HTT: variants seen among roughly 807,000 people sequenced by gnomAD.
HTT encodes the protein huntingtin.
In HTT, 104 loss-of-function variants were observed where a neutral mutation model predicts 362.3. That is an observed-to-expected ratio of 0.29 (90% confidence interval 0.24 to 0.34). HTT has a LOEUF of 0.34. Ranked by LOEUF, HTT falls within the 10% of genes least tolerant of loss-of-function variation. The pLI is 1.00. For synonymous variants in HTT, 1,577 were observed against 1,548.7 expected (o/e 1.02, Z -0.43); for missense variants, 3,301 against 3,928.6 (o/e 0.84, Z 4.27).
rs770954122 is a variant in HTT at position 3,127,495 on chromosome 4, C to T, written c.1634C>T (p.Ala545Val). Residue 545 changes from alanine (A) to valine (V), a missense_variant, in exon 12 of 67, where the codon GCC becomes GTC. This residue lies in a region of HTT where 2,316 missense variants were observed against 2,658.5 expected (regional missense o/e 0.87). Coordinates refer to ENST00000355072, the MANE Select transcript of HTT (RefSeq NM_001388492.1). ...GTCAGCGCCGTCCCATCTGACCCTGCCATGGACCTGAATGATGGGACCCAG... is the reference window on the plus strand; with the variant it reads ...GTCAGCGCCGTCCCATCTGACCCTGTCATGGACCTGAATGATGGGACCCAG... ...SQVSAVPSDPAMDLNDGTQAS... is the reference protein window; with the variant it reads ...SQVSAVPSDPVMDLNDGTQAS... 6.8e-5 allele frequency: 109 copies of T among 1,614,084 alleles called. No individual in the cohort carries two copies. The highest frequency in any genetic ancestry group is 8.9e-5 in the Non-Finnish European group (105 of 1,180,022).
chr4:3,118,557 A>G, intron 8 of HTT, among the ~76,000 whole-genome samples: 1 of 152,178 alleles, frequency 6.6e-6, no homozygotes, highest in Admixed American at 6.5e-5. Flanking sequence ...ACAGCACACG[A>G]GTGTGGGTGC....
At chr4:3,075,247 T>C (rs1233907689) in intron 1 of HTT, among the ~76,000 whole-genome samples, 159 bp downstream of exon 1, 1 of 152,068 alleles carries the variant, frequency 6.6e-6, no homozygotes, top group African/African-American at 2.4e-5. Flanking sequence ...ACCCGCCCCC[T>C]CCTGGGGCGA....
rs537268502 is a variant in HTT at position 3,240,173 on chromosome 4, T to C, written c.*114T>C. On this transcript the variant is annotated 3_prime_UTR_variant, in exon 67 of 67. Transcript: ENST00000355072. ...CTTGGTCCCTATGGGCTTCCGCACA[T>C]GCCGCGGGCGGCCAGGCAACGTGCG... 320 of 868,392 alleles carry C rather than the reference T, an allele frequency of 3.7e-4. No individual in the cohort carries two copies. The South Asian group carries it at 5.3e-3, about 14-fold the overall frequency. The allele number at this position is 868,392 out of a possible 1,614,324, so 53.8% of individuals were successfully genotyped here.
chr4:3,236,115 G>C (rs757080172), intron 63 of HTT, 34 bp from the exon 64 acceptor site: 32 of 1,469,164 alleles, frequency 2.2e-5, no homozygotes, highest in Non-Finnish European at 2.8e-5. Context: ...GGGTTGTATA[G>C]AGGTAACCTT....
Position 3,209,767 on chromosome 4 carries a change from A to T in HTT, c.6292-60A>T, listed in dbSNP as rs1337049648. 6 of 1,598,048 alleles carry T rather than the reference A, an allele frequency of 3.8e-6. No homozygotes were observed. The African/African-American group carries it at 6.7e-5, about 18-fold the overall frequency. On this transcript the variant is annotated intron_variant, in intron 46 of 66. Transcript: ENST00000355072. ...CTGGCCTAGGCCTGTAGCTCCAGGG[A>T]TGTGAAGTCCCCTTGAACGCCGCCC... is the stretch of plus-strand genomic sequence containing the variant.
At chr4:3,236,396 C>T (rs1343443917) in intron 64 of HTT, 142 bp downstream of exon 64, 3 of 692,310 alleles carry the variant, frequency 4.3e-6, no homozygotes, top group African/African-American at 1.7e-5. Flanking sequence ...TGACCATGGG[C>T]TGCCTTGGCT....
At position 3,199,865 on chromosome 4, in the gene HTT, G is replaced by A. The variant is rs774987386; in HGVS notation, c.5502G>A (p.Leu1834=). 6.8e-6 allele frequency: 11 copies of A among 1,614,070 alleles called. No homozygotes were observed. Among genetic ancestry groups the A allele is most frequent in the South Asian group, 2.2e-5 (2 of 91,096 alleles). Reference sequence around the variant, plus strand: ...TCACCACCCACCCGGCCCTGGTGCTGCTCTGGTGTCAGATACTGCTGCTTG... The same window carrying A: ...TCACCACCCACCCGGCCCTGGTGCTACTCTGGTGTCAGATACTGCTGCTTG... ...SMITTHPALV[L]LWCQILLLVN... Residue 1834 remains leucine, a synonymous_variant, in exon 41 of 67, where the codon CTG becomes CTA. Transcript: ENST00000355072.
intron 64 of HTT, 76 bp downstream of exon 64, chr4:3,236,330 C>G: frequency 1.0e-6 from 1 of 986,072 alleles, no homozygotes; most frequent in South Asian, 1.3e-5. Context: ...TTGTGTGTGT[C>G]TGCTGATCCC....
At chr4:3,096,969 A>G (rs1221819273) in intron 2 of HTT, among the ~76,000 whole-genome samples, 1 of 152,080 alleles carries the variant, frequency 6.6e-6, no homozygotes, top group South Asian at 2.1e-4. Context: ...AAACAAAAAA[A>G]TTAGCCAGGT....
In HTT at chr4:3,209,886, G is replaced by A. The variant is rs763787387; in HGVS notation, c.6351G>A (p.Leu2117=). The A allele has an allele frequency of 1.2e-6, 2 of 1,613,992 alleles. No homozygotes were observed. The highest frequency in any genetic ancestry group is 1.7e-6 in the Non-Finnish European group (2 of 1,179,856). ...GGACCAGGTCAGATTCTGCACTGCT[G>A]GAAGGTGCAGAGCTGGTGAATCGGA... ...QCWTRSDSAL[L]EGAELVNRIP... is the part of the protein sequence containing the mutation. The change falls in exon 47 of 67, where the codon CTG becomes CTA. Residue 2117 remains leucine (L), a synonymous_variant. Transcript: ENST00000355072.
chr4:3,189,143 A>G (rs752883021), intron 40 of HTT, 50 bp downstream of exon 40: 1 of 1,582,482 alleles, frequency 6.3e-7, no homozygotes, highest in South Asian at 1.1e-5. Context: ...CCCATTCTGC[A>G]CTATACACTC....
intron 10 of HTT, chr4:3,123,178 A>G (rs1043383107): frequency 2.6e-6 from 1 of 379,474 alleles, no homozygotes. Flanking sequence ...TTTTGAACGC[A>G]TCATAAATTT....
At chr4:3,223,719 G>A (rs1720779743) in intron 55 of HTT, among the ~76,000 whole-genome samples, 159 bp downstream of exon 55, 1 of 152,244 alleles carries the variant, frequency 6.6e-6, no homozygotes, top group Admixed American at 6.5e-5. Flanking sequence ...AGACCCAAAG[G>A]TGGCCTCCTG....
intron 47 of HTT, among the ~76,000 whole-genome samples, chr4:3,210,742 C>T (rs1283999592): frequency 2.0e-5 from 3 of 151,992 alleles, no homozygotes; most frequent in South Asian, 4.2e-4. Flanking sequence ...GAAGTGGGCA[C>T]CTGGGAGGAC....
intron 64 of HTT, among the ~76,000 whole-genome samples, chr4:3,237,561 C>A (rs1721598486): frequency 6.6e-6 from 1 of 152,184 alleles, no homozygotes; most frequent in Middle Eastern, 3.4e-3. Context: ...ACGCCTTCCG[C>A]TTGACCGCTC....
intron 26 of HTT, among the ~76,000 whole-genome samples, chr4:3,153,091 G>A (rs1298393570): frequency 2.0e-5 from 3 of 152,060 alleles, no homozygotes; most frequent in Non-Finnish European, 4.4e-5. Context: ...AGCCTGGGTG[G>A]CTTCAACAAC....
chr4:3,160,310 A>G lies in HTT; in HGVS notation c.3782A>G (p.Glu1261Gly), dbSNP rs1717374077. ...ACGCTGGATCTTCAGAACAGCACGGAAAAGTTTGGAGGGTTTCTCCGCTCA... is the reference window on the plus strand; with the variant it reads ...ACGCTGGATCTTCAGAACAGCACGGGAAAGTTTGGAGGGTTTCTCCGCTCA... ...KVTLDLQNSTEKFGGFLRSAL... is the reference protein window; with the variant it reads ...KVTLDLQNSTGKFGGFLRSAL... Residue 1261 changes from glutamate to glycine, a missense_variant, in exon 29 of 67, where the codon GAA (glutamate) becomes GGA (glycine). This residue lies in a region of HTT where 2,316 missense variants were observed against 2,658.5 expected (regional missense o/e 0.87). Transcript: ENST00000355072. 6.4e-7 allele frequency: 1 copy of G among 1,552,582 alleles called. No homozygotes were observed. The highest frequency in any genetic ancestry group is 1.4e-5 in the African/African-American group (1 of 73,250).
intron 6 of HTT, among the ~76,000 whole-genome samples, chr4:3,112,519 G>A (rs1386240841): frequency 1.3e-5 from 2 of 152,168 alleles, no homozygotes; most frequent in African/African-American, 2.4e-5. Flanking sequence ...TGGATTAAGT[G>A]TTCTTTTTGT....
At chr4:3,150,731 A>T (rs528011999) in intron 26 of HTT, among the ~76,000 whole-genome samples, 5 of 152,208 alleles carry the variant, frequency 3.3e-5, no homozygotes, top group African/African-American at 9.6e-5. Context: ...GGGGTCCCCA[A>T]CCTCTGTTAA....
Sources: gnomAD v4.1 joint callset for allele counts (sites outside exome capture counted in the v4.1 genomes callset) on GRCh38, gnomAD v4.1.1 for gene constraint, gnomAD v4.1.1 regional missense constraint, MANE v1.5 for transcripts, NCBI Gene and HGNC (gene_info 2026-07-23, HGNC 2026-07-21) for gene names.